Variants in HIP1 observed in about 807,000 individuals in gnomAD.
HIP1 encodes huntingtin-interacting protein 1.
A neutral mutation model predicts 147.6 loss-of-function variants in HIP1; 65 were observed. That is an observed-to-expected ratio of 0.44 (90% CI 0.36 to 0.54). The LOEUF (loss-of-function observed/expected upper bound fraction) is 0.54, where lower values mean the gene tolerates loss of function less well. Ranked by LOEUF, HIP1 falls within the 20% of genes least tolerant of loss-of-function variation. The pLI is 0.00. For synonymous variants in HIP1, 479 were observed against 504.0 expected (o/e 0.95, Z 0.67); for missense variants, 1,061 against 1,299.6 (o/e 0.82, Z 2.82).
At chr7:75,611,328 A>G (rs1797425861) in intron 1 of HIP1, among the ~76,000 whole-genome samples, 1 of 151,842 alleles carries the variant, frequency 6.6e-6, no homozygotes, top group Non-Finnish European at 1.5e-5. Context: ...GTAGCCAGAC[A>G]TGGTGGTGCG....
At chr7:75,734,911 C>T (rs1447041178) in intron 1 of HIP1, among the ~76,000 whole-genome samples, 5 of 152,200 alleles carry the variant, frequency 3.3e-5, no homozygotes, top group Admixed American at 1.3e-4. Context: ...GCTTTATCCA[C>T]GTGCTCTTGG....
chr7:75,576,264 G>A lies in HIP1; in HGVS notation c.605-2363C>T, dbSNP rs587654944. ...ATGAGAATGCTGGGAAAAGTGCATG[G>A]AATTGTGCAGTGGTTCTTGACTTTG... On this transcript the variant is annotated intron_variant, in intron 7 of 30. Transcript: ENST00000336926. Among the ~76,000 whole-genome samples, 124 of 152,328 alleles carry A rather than the reference G, an allele frequency of 8.1e-4. 1 individual carries two copies. In the Middle Eastern group the frequency reaches 0.017, roughly 21 times the overall value.
At chr7:75,566,110 C>T (rs1795392663) in intron 9 of HIP1, among the ~76,000 whole-genome samples, 1 of 151,106 alleles carries the variant, frequency 6.6e-6, no homozygotes, top group African/African-American at 2.5e-5. Flanking sequence ...CTCACTGCAA[C>T]CTCCACCTCC....
intron 1 of HIP1, among the ~76,000 whole-genome samples, chr7:75,730,530 G>C (rs911676240): frequency 6.6e-6 from 1 of 151,440 alleles, no homozygotes. Context: ...CCAGAGACAG[G>C]GTTTCTCCAT....
At chr7:75,731,642 C>T (rs2117407323) in intron 1 of HIP1, among the ~76,000 whole-genome samples, 1 of 152,156 alleles carries the variant, frequency 6.6e-6, no homozygotes, top group Admixed American at 6.6e-5. Context: ...GCGCCAGGTT[C>T]AAGGCTCAGG....
intron 1 of HIP1, among the ~76,000 whole-genome samples, chr7:75,711,556 C>T (rs1378987797): frequency 6.6e-6 from 1 of 152,138 alleles, no homozygotes; most frequent in Non-Finnish European, 1.5e-5. Flanking sequence ...CTAGGATAGT[C>T]CTATTTATAG....
intron 4 of HIP1, among the ~76,000 whole-genome samples, chr7:75,588,042 G>C (rs1796348198): frequency 6.6e-6 from 1 of 152,082 alleles, no homozygotes; most frequent in Non-Finnish European, 1.5e-5. Flanking sequence ...AAATAATAAA[G>C]TAACAAACGC....
At chr7:75,627,566 C>T (rs1419893654) in intron 1 of HIP1, among the ~76,000 whole-genome samples, 8 of 152,142 alleles carry the variant, frequency 5.3e-5, no homozygotes, top group Non-Finnish European at 7.3e-5. Context: ...GCATGAGACA[C>T]GGTGCTCTGT....
intron 1 of HIP1, among the ~76,000 whole-genome samples, chr7:75,728,029 C>A (rs1220863098): frequency 6.6e-6 from 1 of 152,164 alleles, no homozygotes; most frequent in Non-Finnish European, 1.5e-5. Flanking sequence ...TCAAACAAGT[C>A]TTTTAATCTC....
At chr7:75,663,007 A>T (rs550374861) in intron 1 of HIP1, among the ~76,000 whole-genome samples, 3 of 152,254 alleles carry the variant, frequency 2.0e-5, no homozygotes, top group East Asian at 3.9e-4. Flanking sequence ...CCTTTTTTCT[A>T]CATGAACTGC....
chr7:75,595,374 G>A (rs376912221), intron 2 of HIP1, among the ~76,000 whole-genome samples: 59 of 145,776 alleles, frequency 4.0e-4, no homozygotes, highest in African/African-American at 1.1e-3. Flanking sequence ...ACAGGGTCTC[G>A]CTCTGTTGCC....
At chr7:75,554,092 C>T (rs782445330) in intron 21 of HIP1, 21 bp downstream of exon 21, 1 of 1,584,172 alleles carries the variant, frequency 6.3e-7, no homozygotes, top group Non-Finnish European at 8.7e-7. Context: ...CATGAACAGC[C>T]CCTCATGCCC....
intron 26 of HIP1, 105 bp from the exon 27 acceptor site, chr7:75,544,905 G>T: frequency 1.2e-6 from 1 of 817,740 alleles, no homozygotes; most frequent in Non-Finnish European, 2.0e-6. Context: ...AACAGGGAGG[G>T]GAGGCTGCCT....
chr7:75,659,448 AG>A (rs1799238284), intron 1 of HIP1, among the ~76,000 whole-genome samples: 2 of 148,402 alleles, frequency 1.3e-5, no homozygotes, highest in Admixed American at 6.7e-5. Flanking sequence ...CACTTGATCG[AG>A]ATCAGCCTGG....
intron 1 of HIP1, among the ~76,000 whole-genome samples, chr7:75,642,330 GA>G (rs1554510600): frequency 6.6e-6 from 1 of 152,194 alleles, no homozygotes; most frequent in Non-Finnish European, 1.5e-5. Flanking sequence ...CTGAGGTCAG[GA>G]GTTCAAGACC....
In HIP1 at chr7:75,715,774, C is replaced by CAAAAAAAAAAAAA. The variant is rs34769081; in HGVS notation, c.120+23014_120+23026dup. ...TAGGCAACAGAGTGAGATCCTGTCTCAAAAAAAAAAAAAAAAAAAAAAAAA... is the reference window on the plus strand; with the variant it reads ...TAGGCAACAGAGTGAGATCCTGTCTCAAAAAAAAAAAAAAAAAAAAAAAAAAAAAAAAAAAAAA... On this transcript the variant is annotated intron_variant, in intron 1 of 30. Coordinates refer to ENST00000336926, the MANE Select transcript of HIP1 (RefSeq NM_005338.7). Among the ~76,000 whole-genome samples the CAAAAAAAAAAAAA allele has an allele frequency of 2.4e-3, 89 of 36,704 alleles. 5 individuals carry two copies. The highest frequency in any genetic ancestry group is 7.1e-3 in the East Asian group (7 of 992). The allele number at this position is 36,704 out of a possible 152,430, so 24.1% of individuals were successfully genotyped here.
chr7:75,638,969 C>T (rs1798541507), intron 1 of HIP1: 1 of 499,314 alleles, frequency 2.0e-6, no homozygotes, highest in Non-Finnish European at 2.6e-6. Context: ...TGGATCGCGC[C>T]GGCTAGGAGG....
intron 1 of HIP1, among the ~76,000 whole-genome samples, chr7:75,714,984 AC>A (rs1801272230): frequency 6.6e-6 from 1 of 152,074 alleles, no homozygotes; most frequent in South Asian, 2.1e-4. Context: ...CTCTTTCATG[AC>A]CTTCACACTT....
At chr7:75,577,332 C>CAAAAAAAA (rs61299057) in intron 7 of HIP1, among the ~76,000 whole-genome samples, 1 of 96,880 alleles carries the variant, frequency 1.0e-5, no homozygotes, top group Admixed American at 1.0e-4. Flanking sequence ...ATCCCATCTC[C>CAAAAAAAA]AAAAAAAAAA....
Sources: allele counts gnomAD v4.1 joint callset (sites outside exome capture counted in the v4.1 genomes callset), GRCh38; gene constraint gnomAD v4.1.1; transcripts MANE v1.5; gene names NCBI Gene and HGNC (gene_info 2026-07-23, HGNC 2026-07-21).